Variants in TMEM232 observed in about 807,000 individuals in gnomAD.
TMEM232 encodes the protein transmembrane protein 232.
In TMEM232, 80 loss-of-function variants were observed where a neutral mutation model predicts 78.8. The observed-to-expected ratio is 1.01, with a 90% confidence interval of 0.85 to 1.22. The LOEUF is 1.22. Among genes scored for constraint, TMEM232 ranks in the 50% most tolerant of loss-of-function variants. The pLI, the probability that TMEM232 is intolerant of heterozygous loss-of-function variation, is 0.00. For missense variants in TMEM232, 881 were observed against 742.2 expected (o/e 1.19, Z -2.17); for synonymous variants, 297 against 254.3 (o/e 1.17, Z -1.60).
At chr5:110,738,926 G>A, upstream of TMEM232, 1 of 1,397,406 alleles carries the variant, frequency 7.2e-7, no homozygotes, top group Non-Finnish European at 9.4e-7. Flanking sequence ...CCTAGCAACC[G>A]TGCCCTTTAA....
At chr5:110,702,515 T>G (rs1022487520) in intron 1 of TMEM232, among the ~76,000 whole-genome samples, 8 of 152,072 alleles carry the variant, frequency 5.3e-5, no homozygotes, top group African/African-American at 1.9e-4. Context: ...GACTGGATTC[T>G]TAAGTACTCT....
chr5:110,703,210 A>G (rs1428684371), intron 1 of TMEM232, among the ~76,000 whole-genome samples: 1 of 152,080 alleles, frequency 6.6e-6, no homozygotes, highest in East Asian at 1.9e-4. Context: ...AAGGCTTTAG[A>G]GAGAAAAAGG....
chr5:110,476,008 T>G (rs1763216771), intron 12 of TMEM232, among the ~76,000 whole-genome samples: 1 of 152,040 alleles, frequency 6.6e-6, no homozygotes, highest in Non-Finnish European at 1.5e-5. Flanking sequence ...TTGTCTTTGA[T>G]AAAGACCATA....
chr5:110,723,661 T>C lies in TMEM232; in HGVS notation c.-13+2966A>G, dbSNP rs375682293. Among the ~76,000 whole-genome samples, 11 of 152,324 alleles carry C rather than the reference T, an allele frequency of 7.2e-5. 1 individual carries two copies. The highest frequency in any genetic ancestry group is 3.9e-4 in the East Asian group (2 of 5,190). On this transcript the variant is annotated intron_variant, in intron 1 of 13. Transcript: ENST00000455884. ...GGACTGCTATATCTCTTGGTACCAC[T>C]AGCTTCCTATCCAATATTCACTCTT... is the stretch of plus-strand genomic sequence containing the variant.
chr5:110,505,666 C>T (rs1332640440), intron 12 of TMEM232, among the ~76,000 whole-genome samples: 1 of 151,946 alleles, frequency 6.6e-6, no homozygotes, highest in Admixed American at 6.6e-5. Context: ...ACAACCACGC[C>T]CTAATTTTTT....
intron 12 of TMEM232, among the ~76,000 whole-genome samples, chr5:110,472,317 C>T (rs749523560): frequency 6.6e-6 from 1 of 151,676 alleles, no homozygotes; most frequent in Non-Finnish European, 1.5e-5. Context: ...AAATAAGATA[C>T]CTTGGAATAA....
chr5:110,718,147 A>G (rs1043083100), intron 1 of TMEM232, among the ~76,000 whole-genome samples: 1 of 152,126 alleles, frequency 6.6e-6, no homozygotes, highest in African/African-American at 2.4e-5. Context: ...AAATCTACAT[A>G]TATTTGTTTG....
chr5:110,678,692 C>T (rs539479310), intron 1 of TMEM232, among the ~76,000 whole-genome samples: 30 of 151,696 alleles, frequency 2.0e-4, no homozygotes, highest in Non-Finnish European at 3.5e-4. Flanking sequence ...CCCAGCACCC[C>T]GACCCCCCAC....
upstream of TMEM232, among the ~76,000 whole-genome samples, chr5:110,727,664 G>A (rs1798293097): frequency 6.6e-6 from 1 of 152,092 alleles, no homozygotes; most frequent in Non-Finnish European, 1.5e-5. Context: ...GAAATGACCT[G>A]CCTTTAAAAA....
chr5:110,698,312 C>G (rs1007402796), intron 1 of TMEM232, among the ~76,000 whole-genome samples: 3 of 151,840 alleles, frequency 2.0e-5, no homozygotes, highest in Non-Finnish European at 4.4e-5. Context: ...GGAGGGATAG[C>G]ATTAGGAGAT....
chr5:110,458,369 A>G (rs1176688656), intron 12 of TMEM232, among the ~76,000 whole-genome samples: 1 of 151,798 alleles, frequency 6.6e-6, no homozygotes, highest in Non-Finnish European at 1.5e-5. Flanking sequence ...TTCTATGAGG[A>G]TACTGCTAAT....
chr5:110,607,886 G>A (rs990479007), intron 8 of TMEM232, among the ~76,000 whole-genome samples: 1 of 151,798 alleles, frequency 6.6e-6, no homozygotes, highest in African/African-American at 2.4e-5. Context: ...TCAACAAGGA[G>A]GATAAAAATC....
At chr5:110,610,396 T>A in intron 8 of TMEM232, 1 of 197,096 alleles carries the variant, frequency 5.1e-6, no homozygotes, top group Non-Finnish European at 1.1e-5. Context: ...AATACATGGG[T>A]TTTCCCACCA....
At chr5:110,706,801 T>C (rs1277775182) in intron 1 of TMEM232, among the ~76,000 whole-genome samples, 1 of 152,148 alleles carries the variant, frequency 6.6e-6, no homozygotes, top group South Asian at 2.1e-4. Flanking sequence ...GACACCAGCA[T>C]AGGATAAGAG....
At chr5:110,492,581 G>T (rs570672339) in intron 12 of TMEM232, among the ~76,000 whole-genome samples, 36 of 151,710 alleles carry the variant, frequency 2.4e-4, no homozygotes, top group Non-Finnish European at 5.0e-4. Context: ...ATGTCAAAAG[G>T]TTCAAACCAT....
chr5:110,405,570 G>T (rs1392390736), intron 2 of TMEM232, among the ~76,000 whole-genome samples: 1 of 151,416 alleles, frequency 6.6e-6, no homozygotes, highest in Non-Finnish European at 1.5e-5. Flanking sequence ...GAGAGAATTG[G>T]AAGTTGTAAA....
chr5:110,424,978 A>G, intron 12 of TMEM232, 62 bp from the exon 13 acceptor site: 1 of 1,174,860 alleles, frequency 8.5e-7, no homozygotes, highest in Non-Finnish European at 1.2e-6. Flanking sequence ...CCCCAGAAAT[A>G]GAATTGTAAC....
At chr5:110,622,009 T>C (rs73226221) in intron 7 of TMEM232, among the ~76,000 whole-genome samples, 6,688 of 152,244 alleles carry the variant, frequency 0.044, 476 homozygotes, top group African/African-American at 0.15. Flanking sequence ...GGGCTCTATT[T>C]TGGCTGCTCA....
At position 110,634,004 on chromosome 5, in the gene TMEM232, A is replaced by T. The variant is rs942480768; in HGVS notation, c.501+4194T>A. The stretch of plus-strand genomic sequence containing the variant: ...ACTGAGAGTAAAGAGATGGAAAAAC[A>T]TACTCCACACAAATTGAAATCAAAA... On this transcript the variant is annotated intron_variant, in intron 5 of 13. Transcript: ENST00000455884. Among the ~76,000 whole-genome samples, 5 of 152,208 alleles carry T rather than the reference A, an allele frequency of 3.3e-5. No individual in the cohort carries two copies. In the South Asian group the frequency reaches 8.3e-4, roughly 25 times the overall value.
Sources: gnomAD v4.1 joint callset for allele counts (sites outside exome capture counted in the v4.1 genomes callset) on GRCh38, gnomAD v4.1.1 for gene constraint, MANE v1.5 for transcripts, NCBI Gene and HGNC (gene_info 2026-07-23, HGNC 2026-07-21) for gene names.